The following RIMBP2 variants were observed in gnomAD, a reference collection of about 807,000 sequenced individuals.
RIMBP2 encodes the protein RIMS binding protein 2, also known as RIMS-binding protein 2.
A neutral mutation model predicts 118.6 loss-of-function variants in RIMBP2; 48 were observed. The observed-to-expected ratio is 0.40, with a 90% CI of 0.32 to 0.51. The LOEUF (loss-of-function observed/expected upper bound fraction) is 0.51. RIMBP2 is among the 20% of genes least tolerant of loss of function. The probability of loss-of-function intolerance (pLI) is 0.41; values close to 1 mark genes in which losing one functional copy is unlikely to be tolerated. For missense variants in RIMBP2, 1,551 were observed against 1,768.3 expected (o/e 0.88, Z 2.20); for synonymous variants, 762 against 742.9 (o/e 1.03, Z -0.42).
At chr12:130,659,576 A>C (rs1057189986) in intron 1 of RIMBP2, among the ~76,000 whole-genome samples, 2 of 151,406 alleles carry the variant, frequency 1.3e-5, no homozygotes, top group Non-Finnish European at 2.9e-5. Context: ...CTCAAACAAA[A>C]AAAAAAAAGT....
chr12:130,404,385 C>G lies in RIMBP2; in HGVS notation c.3765+1787G>C, dbSNP rs915219713. Among the ~76,000 whole-genome samples, 10 of 152,312 alleles carry G rather than the reference C, an allele frequency of 6.6e-5. No homozygotes were observed. In the South Asian group the frequency reaches 8.3e-4, roughly 13 times the overall value. On this transcript the variant is annotated intron_variant, in intron 21 of 22. Transcript: ENST00000690449. ...TGATCTCAGCTCACCGCAACCTCCA[C>G]CTCCTGGGTTCAAGTGATTCTCCTG...
intron 2 of RIMBP2, among the ~76,000 whole-genome samples, chr12:130,522,413 C>A (rs1166397750): frequency 6.6e-6 from 1 of 152,216 alleles, no homozygotes; most frequent in Non-Finnish European, 1.5e-5. Flanking sequence ...CAGCTGCGAC[C>A]CTGTCCCTCC....
intron 12 of RIMBP2, 30 bp downstream of exon 12, chr12:130,438,335 A>AGGCCCC: frequency 1.2e-6 from 1 of 865,014 alleles, no homozygotes; most frequent in African/African-American, 1.7e-5. Context: ...GGCCTAACAA[A>AGGCCCC]CCCTCCCCAC....
At chr12:130,624,264 G>A (rs1368523010) in intron 2 of RIMBP2, among the ~76,000 whole-genome samples, 1 of 152,170 alleles carries the variant, frequency 6.6e-6, no homozygotes, top group Non-Finnish European at 1.5e-5. Flanking sequence ...CATATGTTTG[G>A]AAGGTCCAAA....
intron 1 of RIMBP2, among the ~76,000 whole-genome samples, chr12:130,704,273 T>C (rs1463153536): frequency 6.6e-6 from 1 of 152,116 alleles, no homozygotes; most frequent in Non-Finnish European, 1.5e-5. Flanking sequence ...TCCTGACGTC[T>C]TGTTTAAAAA....
intron 2 of RIMBP2, among the ~76,000 whole-genome samples, chr12:130,522,175 A>G (rs2052202642): frequency 6.6e-6 from 1 of 152,262 alleles, no homozygotes; most frequent in Non-Finnish European, 1.5e-5. Context: ...CCACTAACAC[A>G]TTAAACAGGA....
chr12:130,397,826 A>C (rs1175279652), intron 22 of RIMBP2: 1 of 256,846 alleles, frequency 3.9e-6, no homozygotes, highest in African/African-American at 2.2e-5. Flanking sequence ...AATTCACTTC[A>C]TAAATGAAGA....
At chr12:130,476,261 G>C (rs888513705) in intron 5 of RIMBP2, among the ~76,000 whole-genome samples, 2 of 152,208 alleles carry the variant, frequency 1.3e-5, no homozygotes, top group Non-Finnish European at 2.9e-5. Flanking sequence ...GTTGGGGGTG[G>C]GGTCCCGTGA....
chr12:130,479,635 G>A (rs564714574), intron 4 of RIMBP2, among the ~76,000 whole-genome samples: 41 of 139,752 alleles, frequency 2.9e-4, no homozygotes, highest in Middle Eastern at 3.4e-3. Flanking sequence ...GCACCCTCCC[G>A]GGAGCTTCCC....
At chr12:130,656,089 G>C (rs563766336) in intron 1 of RIMBP2, among the ~76,000 whole-genome samples, 1 of 152,338 alleles carries the variant, frequency 6.6e-6, no homozygotes, top group South Asian at 2.1e-4. Flanking sequence ...GGGGAGAAGG[G>C]ACATGGCCAG....
chr12:130,678,493 C>G (rs554101763), intron 1 of RIMBP2, among the ~76,000 whole-genome samples: 1 of 152,110 alleles, frequency 6.6e-6, no homozygotes, highest in Non-Finnish European at 1.5e-5. Flanking sequence ...GAGCCAGGCA[C>G]GAAGGCCACA....
At chr12:130,563,178 G>C (rs746893173) in intron 2 of RIMBP2, among the ~76,000 whole-genome samples, 1 of 152,162 alleles carries the variant, frequency 6.6e-6, no homozygotes, top group Non-Finnish European at 1.5e-5. Context: ...GACACACAAG[G>C]ACCCACCCTG....
intron 4 of RIMBP2, among the ~76,000 whole-genome samples, chr12:130,498,489 G>A (rs901190054): frequency 2.0e-5 from 3 of 152,290 alleles, no homozygotes; most frequent in South Asian, 2.1e-4. Flanking sequence ...AGATGAGTGC[G>A]CTGAAGAAAT....
rs1566438802 is a variant in RIMBP2, at chr12:130,664,393, A to ACGCACG, written c.-351-35938_-351-35937insCGTGCG. On this transcript the variant is annotated intron_variant, in intron 1 of 22. Coordinates refer to ENST00000690449, the MANE Select transcript of RIMBP2 (RefSeq NM_001393629.1). ...CGTGCATGCACGCACGCGCATGCAC[A>ACGCACG]CACACGCACGCACGCACGCACACAC... Among the ~76,000 whole-genome samples, 61 of 58,448 alleles carry ACGCACG rather than the reference A, an allele frequency of 1.0e-3. 2 individuals are homozygous for ACGCACG. Among genetic ancestry groups the ACGCACG allele is most frequent in the Non-Finnish European group, 2.3e-3 (48 of 21,184 alleles). 38.3% of individuals were successfully genotyped at this position (58,448 alleles called of 152,430 possible).
Position 130,397,271 on chromosome 12 carries a change from GT to G in RIMBP2, c.*89del. 5.0e-6 allele frequency: 2 copies of G among 396,512 alleles called. No individual in the cohort carries two copies. The highest frequency in any genetic ancestry group is 8.9e-6 in the Non-Finnish European group (2 of 224,982). 24.6% of individuals were successfully genotyped at this position (396,512 alleles called of 1,614,324 possible). A position where few individuals can be genotyped will look rare whatever the true frequency, so the allele number is the denominator to read the frequency against. ...TACTGGTGTCAGGGGAGAAGATTGG[GT>G]TTTTTTAGGAAGTACTTGAGTCATG... On this transcript the variant is annotated 3_prime_UTR_variant, in exon 23 of 23. Transcript: ENST00000690449.
At chr12:130,655,835 CA>C (rs1167507179) in intron 1 of RIMBP2, among the ~76,000 whole-genome samples, 2 of 152,204 alleles carry the variant, frequency 1.3e-5, no homozygotes, top group Non-Finnish European at 2.9e-5. Flanking sequence ...TGGCTTCAGA[CA>C]GAGCAGCTCA....
At chr12:130,552,408 C>A (rs1432261089) in intron 2 of RIMBP2, among the ~76,000 whole-genome samples, 1 of 152,108 alleles carries the variant, frequency 6.6e-6, no homozygotes, top group Admixed American at 6.5e-5. Flanking sequence ...GCATTAATAT[C>A]TTTTTCAAGA....
chr12:130,501,720 T>C (rs777470780), intron 4 of RIMBP2, among the ~76,000 whole-genome samples: 4 of 152,204 alleles, frequency 2.6e-5, no homozygotes, highest in Non-Finnish European at 4.4e-5. Flanking sequence ...GCCTGTGAGG[T>C]AGCCTTGCTC....
At chr12:130,487,946 G>A (rs930207345) in intron 4 of RIMBP2, among the ~76,000 whole-genome samples, 6 of 152,060 alleles carry the variant, frequency 3.9e-5, no homozygotes, top group Non-Finnish European at 5.9e-5. Context: ...TAACCTGCTT[G>A]GTACCGTTCT....
Sources: gnomAD v4.1 joint callset for allele counts (sites outside exome capture counted in the v4.1 genomes callset) on GRCh38, gnomAD v4.1.1 for gene constraint, MANE v1.5 for transcripts, NCBI Gene and HGNC (gene_info 2026-07-23, HGNC 2026-07-21) for gene names.